The following ZKSCAN2 variants were observed in gnomAD, a reference collection of about 807,000 sequenced individuals.
ZKSCAN2 encodes the protein zinc finger protein with KRAB and SCAN domains 2.
ZKSCAN2 carries 38 observed loss-of-function variants against 90.5 expected under a neutral mutation model. That is an observed-to-expected ratio of 0.42 (90% CI 0.32 to 0.55). The LOEUF is 0.55. ZKSCAN2 is among the 20% of genes least tolerant of loss of function. The pLI is 0.11. For missense variants in ZKSCAN2, 1,167 were observed against 1,202.6 expected, an observed-to-expected ratio of 0.97 and a Z score of 0.44; for synonymous variants, 429 against 421.6, an observed-to-expected ratio of 1.02 and a Z score of -0.22.
intron 2 of ZKSCAN2, among the ~76,000 whole-genome samples, chr16:25,254,825 G>A (rs1326710038): frequency 2.0e-5 from 3 of 146,952 alleles, no homozygotes; most frequent in Non-Finnish European, 4.5e-5. Context: ...ACAGGGTCTC[G>A]CTCTGTCACC....
Position 25,239,928 on chromosome 16 carries a change from G to T in ZKSCAN2, c.2792C>A (p.Thr931Asn), listed in dbSNP as rs369090600. The T allele has an allele frequency of 1.2e-6, 2 of 1,614,026 alleles. No individual in the cohort carries two copies. The highest frequency in any genetic ancestry group is 1.7e-6 in the Non-Finnish European group (2 of 1,180,020). Residue 931 changes from threonine (T) to asparagine (N), a missense_variant, in exon 7 of 7, where the codon ACC (threonine) becomes AAC (asparagine). Thr to Asn is a moderately conservative substitution (Grantham distance 65, BLOSUM62 0). Coordinates refer to ENST00000328086, the MANE Select transcript of ZKSCAN2 (RefSeq NM_001012981.5). Reference protein sequence around the residue: ...GKRFSKSSVLTKHREVHVREK... With the variant: ...GKRFSKSSVLNKHREVHVREK... ...TCTCACATGAACTTCCCGATGTTTG[G>T]TAAGAACAGAACTCTTACTGAAACG... is the stretch of plus-strand genomic sequence containing the variant.
At chr16:25,246,240 CCTTT>C (rs1962932082) in intron 5 of ZKSCAN2, 1 of 155,120 alleles carries the variant, frequency 6.4e-6, no homozygotes, top group Non-Finnish European at 1.4e-5. Flanking sequence ...TTTTTTCTCT[CCTTT>C]GTCTTCTTTT....
intron 3 of ZKSCAN2, among the ~76,000 whole-genome samples, chr16:25,252,469 CTT>C (rs1263581354): frequency 6.6e-6 from 1 of 151,614 alleles, no homozygotes; most frequent in Non-Finnish European, 1.5e-5. Flanking sequence ...CTTTTATACT[CTT>C]GTGGGGAGTA....
In ZKSCAN2 at chr16:25,240,430, T is replaced by C; in HGVS notation, c.2290A>G (p.Met764Val). 6.2e-7 allele frequency: 1 copy of C among 1,614,200 alleles called. No individual in the cohort carries two copies. The highest frequency in any genetic ancestry group is 1.1e-5 in the South Asian group (1 of 91,086). The change falls in exon 7 of 7, where the codon ATG becomes GTG. Residue 764 changes from methionine (M) to valine (V), a missense_variant. Transcript: ENST00000328086. The part of the protein sequence containing the change: ...GESFGRSTRL[M>V]CRMTHHKENP... ...TCCTTGTGGTGGGTCATCCGGCACA[T>C]CAGACGAGTGCTCCTTCCAAAGCTT...
At position 25,243,766 on chromosome 16, in the gene ZKSCAN2, C is replaced by T. The variant is rs370049597; in HGVS notation, c.1981+19G>A. 5.7e-5 allele frequency: 90 copies of T among 1,578,322 alleles called. No individual in the cohort carries two copies. In the African/African-American group the frequency reaches 1.2e-3, roughly 20 times the overall value. On this transcript the variant is annotated intron_variant, in intron 6 of 6. Coordinates refer to ENST00000328086, the MANE Select transcript of ZKSCAN2 (RefSeq NM_001012981.5). ...CTTATTCCTCTTTTGGACTAAAACT[C>T]CTTGGTTTTGCACCTTACCATTTGG...
rs748885460 is a variant in ZKSCAN2, at chr16:25,257,060, A to C, written c.68T>G (p.Val23Gly). The change falls in exon 1 of 7, where the codon GTG (valine) becomes GGG (glycine). Residue 23 changes from valine to glycine, a missense_variant. Transcript: ENST00000328086. Reference sequence around the variant, plus strand: ...TGATGCCCACTCAGGGTCCTTTTCCACCTTCATTATTAGGCATCCCTCAAC... The same window carrying C: ...TGATGCCCACTCAGGGTCCTTTTCCCCCTTCATTATTAGGCATCCCTCAAC... The part of the protein sequence containing the change: ...LEVEGCLIMK[V>G]EKDPEWASEP... 4 of 1,613,766 alleles carry C rather than the reference A, an allele frequency of 2.5e-6. No individual in the cohort carries two copies. The African/African-American group carries it at 5.3e-5, about 22-fold the overall frequency.
intron 6 of ZKSCAN2, among the ~76,000 whole-genome samples, chr16:25,243,583 C>T (rs1426094351): frequency 1.3e-5 from 2 of 152,202 alleles, no homozygotes; most frequent in African/African-American, 2.4e-5. Flanking sequence ...CCCGCCTCAA[C>T]CTCCCAAACT....
chr16:25,257,652 G>C lies in ZKSCAN2; in HGVS notation c.-525C>G, dbSNP rs1255762324. 6.4e-6 allele frequency: 2 copies of C among 311,778 alleles called. No homozygotes were observed. Among genetic ancestry groups the C allele is most frequent in the African/African-American group, 2.3e-5 (1 of 44,176 alleles). The allele number at this position is 311,778 out of a possible 1,614,324, so 19.3% of individuals were successfully genotyped here. A position where few individuals can be genotyped will look rare whatever the true frequency, so the allele number is the denominator to read the frequency against. ...CTGGGGCCGCCGGATTCCGAGAGCG[G>C]CGCCGGGCTCTTTCGGGCCCACGAC... On this transcript the variant is annotated 5_prime_UTR_variant, in exon 1 of 7. Transcript: ENST00000328086.
Position 25,237,875 on chromosome 16 carries a change from TA to T in ZKSCAN2, c.*1940del, listed in dbSNP as rs1346245900. 1 of 152,250 alleles carries T rather than the reference TA, an allele frequency of 6.6e-6. No homozygotes were observed. The highest frequency in any genetic ancestry group is 2.4e-5 in the African/African-American group (1 of 41,458). The allele number at this position is 152,250 out of a possible 1,614,324, so 9.4% of individuals were successfully genotyped here. On this transcript the variant is annotated 3_prime_UTR_variant, in exon 7 of 7. Coordinates refer to ENST00000328086, the MANE Select transcript of ZKSCAN2 (RefSeq NM_001012981.5). ...GGAATTCCAGAACATCTACACAATA[TA>T]AACACAAGCCCACTGGCACCACAAA...
In ZKSCAN2 at chr16:25,255,165, C is replaced by A. The variant is rs772319772; in HGVS notation, c.586+41G>T. 4 of 1,550,604 alleles carry A rather than the reference C, an allele frequency of 2.6e-6. No individual in the cohort carries two copies. The Admixed American group carries it at 8.6e-5, about 33-fold the overall frequency. On this transcript the variant is annotated intron_variant, in intron 2 of 6. Transcript: ENST00000328086. ...CGTTGGGGTACTGCGGAAATCTGCCCCAGCCTCTGCACTAGGCGTGCTCCG... is the reference window on the plus strand; with the variant it reads ...CGTTGGGGTACTGCGGAAATCTGCCACAGCCTCTGCACTAGGCGTGCTCCG...
At position 25,257,175 on chromosome 16, in the gene ZKSCAN2, A is replaced by C; in HGVS notation, c.-48T>G. 1 of 1,532,792 alleles carries C rather than the reference A, an allele frequency of 6.5e-7. No individual in the cohort carries two copies. The highest frequency in any genetic ancestry group is 8.7e-7 in the Non-Finnish European group (1 of 1,143,774). 94.9% of individuals were successfully genotyped at this position (1,532,792 alleles called of 1,614,324 possible). On this transcript the variant is annotated 5_prime_UTR_variant, in exon 1 of 7. Coordinates refer to ENST00000328086, the MANE Select transcript of ZKSCAN2 (RefSeq NM_001012981.5). The stretch of plus-strand genomic sequence containing the variant: ...CACGTCTAGCTCAAGGTGGGGACCC[A>C]AAGAAGACTCCAAGCGCTCCCTGCT...
At position 25,239,271 on chromosome 16, in the gene ZKSCAN2, A is replaced by T. The variant is rs549236156; in HGVS notation, c.*545T>A. ...TTGGATCAACTTCTTGACAAAAAAAAAAAAAAAGGTACACTGTAACAGACT... is the reference window on the plus strand; with the variant it reads ...TTGGATCAACTTCTTGACAAAAAAATAAAAAAAGGTACACTGTAACAGACT... On this transcript the variant is annotated 3_prime_UTR_variant, in exon 7 of 7. Transcript: ENST00000328086. 1.6e-4 allele frequency: 24 copies of T among 152,464 alleles called. No individual in the cohort carries two copies. Among genetic ancestry groups the T allele is most frequent in the African/African-American group, 5.5e-4 (23 of 41,526 alleles). 9.4% of individuals were successfully genotyped at this position (152,464 alleles called of 1,614,324 possible). A position where few individuals can be genotyped will look rare whatever the true frequency, so the allele number is the denominator to read the frequency against.
rs572926926 is a variant in ZKSCAN2 at position 25,237,383 on chromosome 16, C to A, written c.*2433G>T. 8 of 152,230 alleles carry A rather than the reference C, an allele frequency of 5.3e-5. No homozygotes were observed. The East Asian group carries it at 1.5e-3, about 29-fold the overall frequency. 9.4% of individuals were successfully genotyped at this position (152,230 alleles called of 1,614,324 possible). A position where few individuals can be genotyped will look rare whatever the true frequency, so the allele number is the denominator to read the frequency against. ...CAATTAGGAGTAGAGATAGGGGAAC[C>A]CAAATTCCACCTCAGCTTGCTCCCA... On this transcript the variant is annotated 3_prime_UTR_variant, in exon 7 of 7. Coordinates refer to ENST00000328086, the MANE Select transcript of ZKSCAN2 (RefSeq NM_001012981.5).
chr16:25,243,526 G>A (rs1481729735), intron 6 of ZKSCAN2, among the ~76,000 whole-genome samples: 1 of 151,990 alleles, frequency 6.6e-6, no homozygotes, highest in African/African-American at 2.4e-5. Flanking sequence ...ACAGGGTTTC[G>A]CCATGTTGGC....
In ZKSCAN2 at chr16:25,239,829, C is replaced by T. The variant is rs771209111; in HGVS notation, c.2891G>A (p.Arg964Lys). Residue 964 changes from arginine to lysine, a missense_variant, in exon 7 of 7, where the codon AGG becomes AAG. Coordinates refer to ENST00000328086, the MANE Select transcript of ZKSCAN2 (RefSeq NM_001012981.5). ...AGAAGATCATCATCAAAAAGTTTTC[C>T]TAAATTCATCAGTCTTTCCCTTATG... ...NPHKGKTDEFRKTF is the reference protein window; with the variant it reads ...NPHKGKTDEFKKTF The T allele has an allele frequency of 1.3e-6, 2 of 1,578,982 alleles. No individual in the cohort carries two copies. Among genetic ancestry groups the T allele is most frequent in the Non-Finnish European group, 8.6e-7 (1 of 1,163,936 alleles).
intron 2 of ZKSCAN2, 107 bp downstream of exon 2, chr16:25,255,099 C>A: frequency 8.7e-7 from 1 of 1,153,628 alleles, no homozygotes; most frequent in Non-Finnish European, 1.2e-6. Flanking sequence ...TTCTCCTATT[C>A]TGAATATGTA....
intron 4 of ZKSCAN2, among the ~76,000 whole-genome samples, chr16:25,251,239 C>T (rs1359631658): frequency 6.6e-6 from 1 of 151,956 alleles, no homozygotes; most frequent in Admixed American, 6.6e-5. Context: ...CAAAAAAAAG[C>T]CTTATATCTT....
chr16:25,256,037 A>G (rs1963096963), intron 1 of ZKSCAN2, among the ~76,000 whole-genome samples: 1 of 152,252 alleles, frequency 6.6e-6, no homozygotes, highest in Non-Finnish European at 1.5e-5. Context: ...GAAAACTTAC[A>G]AAATTAATAT....
At position 25,251,928 on chromosome 16, in the gene ZKSCAN2, A is replaced by T; in HGVS notation, c.786T>A (p.Val262=). 1.2e-6 allele frequency: 2 copies of T among 1,614,164 alleles called. No individual in the cohort carries two copies. The highest frequency in any genetic ancestry group is 3.3e-5 in the Admixed American group (2 of 60,022). Residue 262 remains valine (V), a synonymous_variant, in exon 4 of 7, where the codon GTT becomes GTA. Transcript: ENST00000328086. ...CCTTACCCAGGGAGACCACGTTCCC[A>T]ACATTCTCCTTCCTGAAATCCCGGT... ...DLYRDFRKEN[V]GNVVSLGSAV...
Sources: gnomAD v4.1 joint callset for allele counts (sites outside exome capture counted in the v4.1 genomes callset) on GRCh38, gnomAD v4.1.1 for gene constraint, MANE v1.5 for transcripts, NCBI Gene and HGNC (gene_info 2026-07-23, HGNC 2026-07-21) for gene names.